Variants in IL26 observed in about 807,000 individuals in gnomAD.
The protein encoded by IL26 is interleukin-26.
IL26 carries 23 observed loss-of-function variants against 21.7 expected under a neutral mutation model. The observed-to-expected ratio is 1.06, with a 90% CI of 0.76 to 1.50. The LOEUF is 1.50. Among genes scored for constraint, IL26 ranks in the 40% most tolerant of loss-of-function variants. The pLI, the probability that IL26 is intolerant of heterozygous loss-of-function variation, is 0.00. For missense variants in IL26, 204 were observed against 196.0 expected (o/e 1.04, Z -0.24); for synonymous variants, 63 against 67.8 (o/e 0.93, Z 0.34).
At chr12:68,225,007 G>A (rs1592903210) in intron 3 of IL26, 142 bp downstream of exon 3, 2 of 695,574 alleles carry the variant, frequency 2.9e-6, no homozygotes, top group East Asian at 5.3e-5. Context: ...TATTTCCCTG[G>A]TGATGACCTC....
chr12:68,225,527 T>C, intron 1 of IL26, 27 bp from the exon 2 acceptor site: 1 of 1,600,846 alleles, frequency 6.2e-7, no homozygotes, highest in South Asian at 1.1e-5. Context: ...AGAAATAAGT[T>C]GTATCCAAGA....
At chr12:68,214,189 T>A (rs1328051675) in intron 3 of IL26, among the ~76,000 whole-genome samples, 1 of 152,198 alleles carries the variant, frequency 6.6e-6, no homozygotes, top group Non-Finnish European at 1.5e-5. Flanking sequence ...TGTTTATTTC[T>A]GTTTTATTCC....
chr12:68,210,364 A>C lies in IL26; in HGVS notation c.364-8281T>G, dbSNP rs1211571829. ...AAAAAAAAAAAAAAAAAAAAAAAAA[A>C]AAAAAAAAAAAAAAAAAAAACAGCA... On this transcript the variant is annotated intron_variant, in intron 3 of 4. Transcript: ENST00000229134. 1.0e-4 allele frequency among the ~76,000 whole-genome samples: 12 copies of C among 114,832 alleles called. No homozygotes were observed. The South Asian group carries it at 1.9e-3, about 18-fold the overall frequency. The allele number at this position is 114,832 out of a possible 152,430, so 75.3% of individuals were successfully genotyped here.
chr12:68,210,016 G>GA (rs1868662329), intron 3 of IL26, among the ~76,000 whole-genome samples: 1 of 151,874 alleles, frequency 6.6e-6, no homozygotes, highest in Admixed American at 6.6e-5. Flanking sequence ...CCTTCTTGTT[G>GA]TTTTTTGTTT....
At position 68,210,374 on chromosome 12, in the gene IL26, A is replaced by ACC. The variant is rs1217754542; in HGVS notation, c.364-8292_364-8291insGG. On this transcript the variant is annotated intron_variant, in intron 3 of 4. Coordinates refer to ENST00000229134, the MANE Select transcript of IL26 (RefSeq NM_018402.2). The stretch of plus-strand genomic sequence containing the variant: ...AAAAAAAAAAAAAAAAAAAAAAAAA[A>ACC]AAAAAAAAAACAGCACAAGCACTAG... 2.8e-4 allele frequency among the ~76,000 whole-genome samples: 29 copies of ACC among 104,298 alleles called. 2 individuals carry two copies. The highest frequency in any genetic ancestry group is 1.0e-3 in the African/African-American group (28 of 28,098). 68.4% of individuals were successfully genotyped at this position (104,298 alleles called of 152,430 possible).
intron 3 of IL26, among the ~76,000 whole-genome samples, chr12:68,216,396 G>A (rs914813302): frequency 3.9e-5 from 6 of 152,142 alleles, no homozygotes; most frequent in African/African-American, 1.4e-4. Flanking sequence ...CCACTCCTTC[G>A]TAAATTGTTG....
chr12:68,212,513 A>G (rs929999500), intron 3 of IL26, among the ~76,000 whole-genome samples: 7 of 152,122 alleles, frequency 4.6e-5, no homozygotes, highest in Admixed American at 2.6e-4. Flanking sequence ...ATTTCTTTCA[A>G]TGAAGGAGCA....
intron 3 of IL26, among the ~76,000 whole-genome samples, chr12:68,223,095 T>C (rs1869105069): frequency 6.6e-6 from 1 of 151,958 alleles, no homozygotes; most frequent in Non-Finnish European, 1.5e-5. Flanking sequence ...AGTTACCTTT[T>C]CCCTAAATCA....
intron 3 of IL26, among the ~76,000 whole-genome samples, chr12:68,220,163 A>G (rs1466785905): frequency 2.0e-5 from 3 of 152,150 alleles, no homozygotes; most frequent in Non-Finnish European, 4.4e-5. Context: ...AGTCTATACT[A>G]ACACTTTCTG....
intron 3 of IL26, among the ~76,000 whole-genome samples, chr12:68,206,801 C>T (rs527675016): frequency 1.3e-5 from 2 of 152,268 alleles, no homozygotes; most frequent in African/African-American, 4.8e-5. Context: ...AGGCAGATAC[C>T]CTTCCTTCCC....
At chr12:68,207,255 A>G (rs1292804680) in intron 3 of IL26, among the ~76,000 whole-genome samples, 1 of 152,194 alleles carries the variant, frequency 6.6e-6, no homozygotes, top group East Asian at 1.9e-4. Context: ...GTACATATCA[A>G]GCAGTTCAAC....
At chr12:68,208,234 T>A (rs1868598207) in intron 3 of IL26, among the ~76,000 whole-genome samples, 1 of 152,146 alleles carries the variant, frequency 6.6e-6, no homozygotes, top group Non-Finnish European at 1.5e-5. Context: ...AGAAAAAAAG[T>A]GACTTGTGTC....
At chr12:68,202,355 G>T (rs763992042) in intron 3 of IL26, among the ~76,000 whole-genome samples, 3 of 152,158 alleles carry the variant, frequency 2.0e-5, no homozygotes, top group Non-Finnish European at 4.4e-5. Context: ...TATAGGAACC[G>T]CCTACCTTCA....
intron 3 of IL26, among the ~76,000 whole-genome samples, chr12:68,209,252 CA>C (rs1444421915): frequency 6.6e-6 from 1 of 152,134 alleles, no homozygotes; most frequent in Non-Finnish European, 1.5e-5. Context: ...AAAGTGAGTC[CA>C]GGGGGCCAAC....
chr12:68,219,847 G>A (rs1430290733), intron 3 of IL26, among the ~76,000 whole-genome samples: 2 of 151,704 alleles, frequency 1.3e-5, no homozygotes, highest in Admixed American at 1.3e-4. Flanking sequence ...AAAAAATAAA[G>A]ACAAAAATTA....
chr12:68,211,242 T>C (rs147035407), intron 3 of IL26, among the ~76,000 whole-genome samples: 3 of 152,350 alleles, frequency 2.0e-5, no homozygotes, highest in African/African-American at 4.8e-5. Flanking sequence ...GTTCCATCCA[T>C]GTTGCTGCAA....
At chr12:68,206,903 C>T (rs1868559480) in intron 3 of IL26, among the ~76,000 whole-genome samples, 1 of 152,074 alleles carries the variant, frequency 6.6e-6, no homozygotes, top group African/African-American at 2.4e-5. Flanking sequence ...TTTTTTAAGC[C>T]AAATGTCTTT....
At chr12:68,223,671 T>C (rs1050669812) in intron 3 of IL26, among the ~76,000 whole-genome samples, 3 of 152,170 alleles carry the variant, frequency 2.0e-5, no homozygotes, top group Non-Finnish European at 4.4e-5. Flanking sequence ...GGTTGTCTTA[T>C]AGGTTTAAGC....
At chr12:68,215,748 A>G (rs1453853385) in intron 3 of IL26, among the ~76,000 whole-genome samples, 2 of 152,062 alleles carry the variant, frequency 1.3e-5, no homozygotes, top group African/African-American at 2.4e-5. Flanking sequence ...ACGCATTGCA[A>G]TCTCAGCCTC....
Sources: allele counts gnomAD v4.1 joint callset (sites outside exome capture counted in the v4.1 genomes callset), GRCh38; gene constraint gnomAD v4.1.1; transcripts MANE v1.5; gene names NCBI Gene and HGNC (gene_info 2026-07-23, HGNC 2026-07-21).